Variants in MARK3 observed in about 807,000 individuals in gnomAD.
MARK3 encodes the protein MAP/microtubule affinity-regulating kinase 3.
A neutral mutation model predicts 90.1 loss-of-function variants in MARK3; 46 were observed. The ratio of observed to expected loss-of-function variants is 0.51; its 90% CI spans 0.40 to 0.65. The LOEUF is 0.65. MARK3 is among the 30% of genes least tolerant of loss of function. The probability of loss-of-function intolerance (pLI) is 0.00; values close to 1 mark genes in which losing one functional copy is unlikely to be tolerated. For missense variants in MARK3, 818 were observed against 947.2 expected (o/e 0.86, Z 1.79); for synonymous variants, 321 against 332.6 (o/e 0.97, Z 0.38).
chr14:103,449,691 C>T (rs2093084714), intron 4 of MARK3, among the ~76,000 whole-genome samples: 1 of 152,054 alleles, frequency 6.6e-6, no homozygotes, highest in Non-Finnish European at 1.5e-5. Flanking sequence ...ACTGTAGAAA[C>T]AAGAAGAGAA....
chr14:103,422,424 C>T (rs2092255050), intron 2 of MARK3, among the ~76,000 whole-genome samples: 1 of 152,186 alleles, frequency 6.6e-6, no homozygotes, highest in Non-Finnish European at 1.5e-5. Flanking sequence ...GACTGCACTC[C>T]AGCCTGGGCG....
intron 2 of MARK3, among the ~76,000 whole-genome samples, chr14:103,424,164 C>G (rs965193645): frequency 6.6e-6 from 1 of 151,856 alleles, no homozygotes; most frequent in African/African-American, 2.4e-5. Context: ...GAGCCAAGAT[C>G]ACGCCACTGC....
At chr14:103,421,649 A>C (rs763119337) in intron 2 of MARK3, among the ~76,000 whole-genome samples, 2 of 152,122 alleles carry the variant, frequency 1.3e-5, no homozygotes, top group African/African-American at 2.4e-5. Flanking sequence ...TTTTCCAAGC[A>C]TATTCTAGGG....
intron 3 of MARK3, among the ~76,000 whole-genome samples, chr14:103,444,191 C>A (rs2092934955): frequency 6.7e-6 from 1 of 150,234 alleles, no homozygotes; most frequent in African/African-American, 2.5e-5. Flanking sequence ...CTTGACAACC[C>A]CCAGGTCTTG....
chr14:103,412,386 T>C, intron 2 of MARK3: 1 of 620,200 alleles, frequency 1.6e-6, no homozygotes, highest in African/African-American at 1.8e-5. Flanking sequence ...ACTGCCTTTG[T>C]TAGGCCTATG....
intron 6 of MARK3, among the ~76,000 whole-genome samples, 155 bp from the exon 7 acceptor site, chr14:103,462,250 G>C (rs925636052): frequency 2.6e-5 from 4 of 152,176 alleles, no homozygotes; most frequent in Non-Finnish European, 4.4e-5. Context: ...CTCCAGACTG[G>C]AAAGTTCAAG....
chr14:103,483,113 C>T (rs2093856444), intron 14 of MARK3, among the ~76,000 whole-genome samples: 1 of 152,186 alleles, frequency 6.6e-6, no homozygotes, highest in Non-Finnish European at 1.5e-5. Flanking sequence ...CTTGAGTCTT[C>T]AGTGAGATAC....
At chr14:103,494,793 C>T (rs576538425) in intron 15 of MARK3, among the ~76,000 whole-genome samples, 64 of 152,034 alleles carry the variant, frequency 4.2e-4, no homozygotes, top group African/African-American at 1.4e-3. Context: ...CCCACCATCG[C>T]GCCTGGCTAA....
chr14:103,452,372 T>C (rs2093167285), intron 5 of MARK3, among the ~76,000 whole-genome samples: 2 of 151,952 alleles, frequency 1.3e-5, no homozygotes. Flanking sequence ...TAACTCTCCA[T>C]TTCTCCTTCT....
intron 1 of MARK3, among the ~76,000 whole-genome samples, chr14:103,401,522 A>G (rs2090965513): frequency 1.3e-5 from 2 of 152,148 alleles, no homozygotes; most frequent in African/African-American, 2.4e-5. Flanking sequence ...TGTCCAGGCC[A>G]GTTTGGTCTT....
At chr14:103,457,751 G>A (rs2093306872) in intron 6 of MARK3, among the ~76,000 whole-genome samples, 1 of 152,142 alleles carries the variant, frequency 6.6e-6, no homozygotes, top group Non-Finnish European at 1.5e-5. Context: ...TATTGACCAT[G>A]CCACACACTG....
chr14:103,466,287 T>C, intron 9 of MARK3, 56 bp from the exon 10 acceptor site: 1 of 1,378,582 alleles, frequency 7.3e-7, no homozygotes. Context: ...TTGTAAATAT[T>C]ACGGTTATCA....
intron 1 of MARK3, among the ~76,000 whole-genome samples, chr14:103,389,182 G>A (rs893413574): frequency 2.6e-5 from 4 of 151,724 alleles, no homozygotes; most frequent in Non-Finnish European, 5.9e-5. Context: ...GGCTAACATG[G>A]TGAAACCCTG....
At chr14:103,432,623 A>G (rs181233094) in intron 3 of MARK3, among the ~76,000 whole-genome samples, 4 of 152,214 alleles carry the variant, frequency 2.6e-5, no homozygotes, top group Admixed American at 6.5e-5. Flanking sequence ...GCCTGAGGCG[A>G]GAGGATCACT....
chr14:103,475,390 ACT>A lies in MARK3; in HGVS notation c.1482+185_1482+186del, dbSNP rs375406724. On this transcript the variant is annotated intron_variant, in intron 13 of 17. Coordinates refer to ENST00000429436, the MANE Select transcript of MARK3 (RefSeq NM_001128918.3). ...TGCATTGTAGGTATTTATTGTTGAC[ACT>A]CTCTTAGTTCATTCTTGCTGCTGTA... Among the ~76,000 whole-genome samples the A allele has an allele frequency of 1.8e-4, 27 of 152,188 alleles. 1 individual carries two copies. The South Asian group carries it at 5.2e-3, about 29-fold the overall frequency.
intron 14 of MARK3, among the ~76,000 whole-genome samples, chr14:103,486,483 A>C (rs1207663327): frequency 1.3e-5 from 2 of 152,110 alleles, no homozygotes; most frequent in African/African-American, 4.8e-5. Flanking sequence ...GCTACTATGA[A>C]CCCACAAAAA....
At chr14:103,476,366 G>A (rs1377214707) in intron 13 of MARK3, among the ~76,000 whole-genome samples, 1 of 152,182 alleles carries the variant, frequency 6.6e-6, no homozygotes, top group Non-Finnish European at 1.5e-5. Flanking sequence ...CTTACCATGT[G>A]CCAAGGACCA....
chr14:103,452,621 G>A (rs1187137445), intron 5 of MARK3, among the ~76,000 whole-genome samples: 7 of 150,668 alleles, frequency 4.6e-5, no homozygotes, highest in African/African-American at 7.3e-5. Flanking sequence ...ACAGGCGCCC[G>A]CTACTACGCC....
At chr14:103,478,281 C>T (rs1489019000) in intron 13 of MARK3, among the ~76,000 whole-genome samples, 1 of 142,762 alleles carries the variant, frequency 7.0e-6, no homozygotes, top group African/African-American at 2.6e-5. Context: ...GGCGAAAAAG[C>T]GAGGCTCCAT....
Sources: allele counts gnomAD v4.1 joint callset (sites outside exome capture counted in the v4.1 genomes callset), GRCh38; gene constraint gnomAD v4.1.1; transcripts MANE v1.5; gene names NCBI Gene and HGNC (gene_info 2026-07-23, HGNC 2026-07-21).